Variants in GFOD1 observed in about 807,000 individuals in gnomAD.
The protein encoded by GFOD1 is glucose-fructose oxidoreductase domain-containing protein 1.
GFOD1 carries 9 observed loss-of-function variants against 25.4 expected under a neutral mutation model. That is an observed-to-expected ratio of 0.35 (90% CI 0.21 to 0.62). The LOEUF (loss-of-function observed/expected upper bound fraction) is 0.62. GFOD1 is among the 20% of genes least tolerant of loss of function. The pLI, the probability that GFOD1 is intolerant of heterozygous loss-of-function variation, is 0.72. For missense variants in GFOD1, 403 were observed against 556.9 expected (o/e 0.72, Z 2.78); for synonymous variants, 253 against 245.6 (o/e 1.03, Z -0.28).
At position 13,403,416 on chromosome 6, in the gene GFOD1, G is replaced by A. The variant is rs369454253; in HGVS notation, c.254-37754C>T. Among the ~76,000 whole-genome samples the A allele has an allele frequency of 7.2e-5, 11 of 152,262 alleles. No individual in the cohort carries two copies. In the South Asian group the frequency reaches 8.3e-4, roughly 11 times the overall value. On this transcript the variant is annotated intron_variant, in intron 1 of 1. Transcript: ENST00000379287. ...GCTAGGATTACAGGCGTGAGCCACC[G>A]TGCCCAGCCTGATGATAGGTTTTTA... is the stretch of plus-strand genomic sequence containing the variant.
At position 13,472,831 on chromosome 6, in the gene GFOD1, A is replaced by G. The variant is rs146774985; in HGVS notation, c.253+13807T>C. Among the ~76,000 whole-genome samples, 27 of 152,346 alleles carry G rather than the reference A, an allele frequency of 1.8e-4. 1 individual carries two copies. In the East Asian group the frequency reaches 3.3e-3, roughly 18 times the overall value. On this transcript the variant is annotated intron_variant, in intron 1 of 1. Coordinates refer to ENST00000379287, the MANE Select transcript of GFOD1 (RefSeq NM_018988.4). Reference sequence around the variant, plus strand: ...TTTGTCACATCTAGGGATCTTTTAAAAGCCTAGCCAGCGTAGTAACTTTGC... The same window carrying G: ...TTTGTCACATCTAGGGATCTTTTAAGAGCCTAGCCAGCGTAGTAACTTTGC...
Position 13,368,401 on chromosome 6 carries a change from G to T in GFOD1, c.254-2739C>A, listed in dbSNP as rs185237249. On this transcript the variant is annotated intron_variant, in intron 1 of 1. Transcript: ENST00000379287. ...CAGAGAGATAAGATAACATTGGTTT[G>T]TATCGCCAAAAGTGCCACACACCTG... 1.2e-3 allele frequency among the ~76,000 whole-genome samples: 182 copies of T among 152,336 alleles called. 1 individual carries two copies. The highest frequency in any genetic ancestry group is 4.2e-3 in the African/African-American group (173 of 41,576).
At chr6:13,423,249 T>A (rs924506487) in intron 1 of GFOD1, among the ~76,000 whole-genome samples, 14 of 139,572 alleles carry the variant, frequency 1.0e-4, no homozygotes, top group Non-Finnish European at 1.9e-4. Context: ...AATGTTTTGA[T>A]GTTAAGATGG....
intron 1 of GFOD1, among the ~76,000 whole-genome samples, chr6:13,479,062 CAAAAA>C (rs11342958): frequency 7.8e-6 from 1 of 127,448 alleles, no homozygotes; most frequent in Admixed American, 7.9e-5. Flanking sequence ...ATCCCTTTAC[CAAAAA>C]AAAAAAAAAG....
intron 1 of GFOD1, among the ~76,000 whole-genome samples, chr6:13,409,151 G>GGAAGGA (rs1786010573): frequency 1.5e-5 from 1 of 64,548 alleles, no homozygotes; most frequent in African/African-American, 7.5e-5. Context: ...GAAAGAAAGA[G>GGAAGGA]AGGAAAGAAA....
intron 1 of GFOD1, chr6:13,485,962 A>G: frequency 1.1e-6 from 1 of 926,360 alleles, no homozygotes; most frequent in Non-Finnish European, 1.3e-6. Context: ...GCCTCTGAAA[A>G]CATTCTAATA....
At chr6:13,384,298 T>G (rs1785423637) in intron 1 of GFOD1, among the ~76,000 whole-genome samples, 1 of 152,250 alleles carries the variant, frequency 6.6e-6, no homozygotes, top group Non-Finnish European at 1.5e-5. Flanking sequence ...ATGAGTTATT[T>G]TTTAAAGCAC....
In GFOD1 at chr6:13,425,553, T is replaced by C. The variant is rs139855628; in HGVS notation, c.254-59891A>G. ...ATTGTGAGCTTGTTAAAGTCCCTCA[T>C]GGGGTTGCTCAGAGAGATAAACCAG... On this transcript the variant is annotated intron_variant, in intron 1 of 1. Transcript: ENST00000379287. 1.7e-3 allele frequency among the ~76,000 whole-genome samples: 263 copies of C among 152,246 alleles called. 2 individuals carry two copies. Among genetic ancestry groups the C allele is most frequent in the African/African-American group, 6.0e-3 (248 of 41,548 alleles).
At chr6:13,457,516 G>A (rs986749473) in intron 1 of GFOD1, among the ~76,000 whole-genome samples, 11 of 152,282 alleles carry the variant, frequency 7.2e-5, no homozygotes, top group South Asian at 4.1e-4. Flanking sequence ...CACTGATCCC[G>A]ACATGTCACA....
intron 1 of GFOD1, among the ~76,000 whole-genome samples, chr6:13,466,629 T>C (rs1758384151): frequency 6.6e-6 from 1 of 152,212 alleles, no homozygotes; most frequent in African/African-American, 2.4e-5. Flanking sequence ...GGATGGATAA[T>C]ATCCCCTTGA....
intron 1 of GFOD1, chr6:13,486,436 C>A: frequency 1.6e-6 from 1 of 618,458 alleles, no homozygotes; most frequent in Non-Finnish European, 2.8e-6. Flanking sequence ...TGCCAGGAGG[C>A]AGGAGGGAAG....
intron 1 of GFOD1, among the ~76,000 whole-genome samples, chr6:13,408,636 T>C (rs972353864): frequency 1.3e-5 from 2 of 152,126 alleles, no homozygotes; most frequent in Non-Finnish European, 2.9e-5. Flanking sequence ...CGGGCCCCTC[T>C]ACCTTTAGCG....
intron 1 of GFOD1, among the ~76,000 whole-genome samples, chr6:13,381,172 T>C (rs1316006028): frequency 6.6e-6 from 1 of 152,190 alleles, no homozygotes; most frequent in Admixed American, 6.5e-5. Flanking sequence ...TTGTTTTCTT[T>C]TGCAACAATA....
intron 1 of GFOD1, among the ~76,000 whole-genome samples, chr6:13,375,910 A>G (rs995027702): frequency 6.6e-6 from 1 of 152,234 alleles, no homozygotes; most frequent in South Asian, 2.1e-4. Context: ...TAAATCCCAT[A>G]CATCTCCATC....
At chr6:13,458,248 G>C (rs1182410413) in intron 1 of GFOD1, among the ~76,000 whole-genome samples, 1 of 152,020 alleles carries the variant, frequency 6.6e-6, no homozygotes, top group Admixed American at 6.5e-5. Flanking sequence ...CTCCCGAGTA[G>C]CTGGGATTAA....
intron 1 of GFOD1, among the ~76,000 whole-genome samples, chr6:13,419,060 C>T (rs896532436): frequency 6.6e-6 from 1 of 152,046 alleles, no homozygotes; most frequent in Non-Finnish European, 1.5e-5. Context: ...TCTCAAGCTC[C>T]CATTAAGCAG....
At chr6:13,380,197 G>A (rs1021143139) in intron 1 of GFOD1, among the ~76,000 whole-genome samples, 25 of 152,224 alleles carry the variant, frequency 1.6e-4, no homozygotes, top group Non-Finnish European at 2.2e-4. Flanking sequence ...AAAGCTACGT[G>A]GGTTCTAGAT....
intron 1 of GFOD1, among the ~76,000 whole-genome samples, chr6:13,418,269 T>C (rs1786195272): frequency 6.6e-6 from 1 of 151,998 alleles, no homozygotes. Flanking sequence ...AAAAGAAAAA[T>C]GAAGGCTGGA....
At chr6:13,457,724 C>T (rs528168917) in intron 1 of GFOD1, among the ~76,000 whole-genome samples, 1 of 152,226 alleles carries the variant, frequency 6.6e-6, no homozygotes, top group Non-Finnish European at 1.5e-5. Context: ...CAGTTCTAAA[C>T]TAGACTCTAT....
Sources: allele counts gnomAD v4.1 joint callset (sites outside exome capture counted in the v4.1 genomes callset), GRCh38; gene constraint gnomAD v4.1.1; transcripts MANE v1.5; gene names NCBI Gene and HGNC (gene_info 2026-07-23, HGNC 2026-07-21).